COL11A1: variants seen among roughly 807,000 people sequenced by gnomAD.
The protein encoded by COL11A1 is collagen alpha-1(XI) chain.
COL11A1 carries 74 observed loss-of-function variants against 265.2 expected under a neutral mutation model. That is an observed-to-expected ratio of 0.28 (90% CI 0.23 to 0.34). The LOEUF (loss-of-function observed/expected upper bound fraction) is 0.34. Among genes scored for constraint, COL11A1 ranks in the 10% least tolerant of loss-of-function variants. The pLI is 1.00. For missense variants in COL11A1, 2,165 were observed against 2,263.6 expected, an observed-to-expected ratio of 0.96 and a Z score of 0.88; for synonymous variants, 816 against 727.6, an observed-to-expected ratio of 1.12 and a Z score of -1.96.
At chr1:103,058,555 C>T (rs1051005105) in intron 4 of COL11A1, among the ~76,000 whole-genome samples, 3 of 152,186 alleles carry the variant, frequency 2.0e-5, no homozygotes, top group Admixed American at 6.6e-5. Context: ...TCATTTCTAG[C>T]TTTTGATCTC....
chr1:102,971,992 C>T (rs529708425), intron 36 of COL11A1, among the ~76,000 whole-genome samples: 3 of 152,192 alleles, frequency 2.0e-5, no homozygotes, highest in African/African-American at 7.2e-5. Context: ...TATACTAATG[C>T]TAAGACTTAG....
In COL11A1 at chr1:102,886,955, A is replaced by G. The variant is rs1362430090; in HGVS notation, c.4710T>C (p.Leu1570=). The G allele has an allele frequency of 8.1e-6, 13 of 1,613,816 alleles. No individual in the cohort carries two copies. The highest frequency in any genetic ancestry group is 2.7e-5 in the African/African-American group (2 of 74,908). ...GMQADADDNI[L]DYSDGMEEIF... is the part of the protein sequence containing the mutation. The stretch of plus-strand genomic sequence containing the variant: ...TTTCTTCCATTCCATCCGAGTAATC[A>G]AGAATATTATCATCTGCATCTGCTT... Residue 1570 remains leucine, a synonymous_variant, in exon 63 of 67, where the codon CTT becomes CTC. Coordinates refer to ENST00000370096, the MANE Select transcript of COL11A1 (RefSeq NM_001854.4).
At chr1:103,103,984 C>A (rs564310426) in intron 1 of COL11A1, among the ~76,000 whole-genome samples, 20 of 152,102 alleles carry the variant, frequency 1.3e-4, no homozygotes, top group African/African-American at 4.8e-4. Flanking sequence ...CTCAGAAAAA[C>A]CTTGAATATT....
At chr1:102,951,514 G>A (rs1426052749) in intron 41 of COL11A1, among the ~76,000 whole-genome samples, 2 of 152,096 alleles carry the variant, frequency 1.3e-5, no homozygotes, top group East Asian at 1.9e-4. Flanking sequence ...TGGCTAACAC[G>A]GTGAAACCCT....
intron 49 of COL11A1, among the ~76,000 whole-genome samples, chr1:102,919,219 G>A (rs1350384729): frequency 2.6e-5 from 4 of 151,782 alleles, no homozygotes; most frequent in Non-Finnish European, 5.9e-5. Context: ...TATTAAAAAA[G>A]GCAGTCAATC....
chr1:102,936,676 A>G (rs1470270608), intron 44 of COL11A1, among the ~76,000 whole-genome samples: 2 of 152,198 alleles, frequency 1.3e-5, no homozygotes, highest in Admixed American at 6.5e-5. Context: ...CAGGAAATCA[A>G]TAATTTCCAA....
At chr1:102,891,012 T>A (rs1327133443) in intron 57 of COL11A1, among the ~76,000 whole-genome samples, 2 of 152,074 alleles carry the variant, frequency 1.3e-5, no homozygotes, top group Non-Finnish European at 2.9e-5. Context: ...TATTTGTATA[T>A]GTTAGAATGG....
At chr1:103,069,419 T>C (rs112455069) in intron 4 of COL11A1, among the ~76,000 whole-genome samples, 3 of 151,614 alleles carry the variant, frequency 2.0e-5, no homozygotes, top group African/African-American at 7.3e-5. Context: ...TCAAAATGGG[T>C]CATGACCCAT....
At chr1:102,944,775 T>C (rs946618081) in intron 42 of COL11A1, among the ~76,000 whole-genome samples, 5 of 152,180 alleles carry the variant, frequency 3.3e-5, no homozygotes, top group Admixed American at 2.0e-4. Context: ...ATCTAATTAG[T>C]ATATTCTCAA....
At chr1:102,916,521 G>T (rs1274072266) in intron 49 of COL11A1, among the ~76,000 whole-genome samples, 1 of 151,964 alleles carries the variant, frequency 6.6e-6, no homozygotes, top group Non-Finnish European at 1.5e-5. Context: ...AATTGAAAAA[G>T]AAGTGAGGCC....
chr1:102,987,878 G>C lies in COL11A1; in HGVS notation c.2395-138C>G, dbSNP rs570227500. ...TTTTACCTTCAAACTGCCCTTGATC[G>C]TTCCTGGGCATGGAGCAAGCTAACA... On this transcript the variant is annotated intron_variant, in intron 29 of 66. Coordinates refer to ENST00000370096, the MANE Select transcript of COL11A1 (RefSeq NM_001854.4). 4.7e-5 allele frequency: 33 copies of C among 703,164 alleles called. No homozygotes were observed. In the African/African-American group the frequency reaches 5.1e-4, roughly 11 times the overall value. 43.6% of individuals were successfully genotyped at this position (703,164 alleles called of 1,614,324 possible). A position where few individuals can be genotyped will look rare whatever the true frequency, so the allele number is the denominator to read the frequency against.
intron 4 of COL11A1, among the ~76,000 whole-genome samples, chr1:103,065,567 A>T (rs1671065323): frequency 2.2e-5 from 1 of 46,490 alleles, no homozygotes; most frequent in South Asian, 1.5e-3. Flanking sequence ...CAAACAAACA[A>T]ACAAACAAAA....
Position 102,915,619 on chromosome 1 carries a change from C to A in COL11A1, c.3816+12G>T, listed in dbSNP as rs778850721. The A allele has an allele frequency of 2.5e-6, 4 of 1,610,544 alleles. No homozygotes were observed. The highest frequency in any genetic ancestry group is 2.2e-5 in the East Asian group (1 of 44,844). ...CAATAATACACTATGTTAACAATAA[C>A]ACAGTACTTACGCCTACACCTGCTT... On this transcript the variant is annotated intron_variant, in intron 50 of 66. Coordinates refer to ENST00000370096, the MANE Select transcript of COL11A1 (RefSeq NM_001854.4).
intron 4 of COL11A1, among the ~76,000 whole-genome samples, chr1:103,062,880 A>G (rs575624705): frequency 6.6e-6 from 1 of 152,162 alleles, no homozygotes; most frequent in South Asian, 2.1e-4. Flanking sequence ...GAAATAATAA[A>G]TGATTGTTAC....
At chr1:102,878,875 A>T (rs1171033857) in intron 66 of COL11A1, among the ~76,000 whole-genome samples, 1 of 152,168 alleles carries the variant, frequency 6.6e-6, no homozygotes, top group African/African-American at 2.4e-5. Flanking sequence ...TCTCTTACAG[A>T]AAAAGTTAAA....
chr1:102,930,755 T>A (rs1375956129), intron 46 of COL11A1, among the ~76,000 whole-genome samples: 1 of 151,994 alleles, frequency 6.6e-6, no homozygotes, highest in Non-Finnish European at 1.5e-5. Flanking sequence ...TATTGATTAT[T>A]GCCACAATTT....
chr1:103,041,662 C>G (rs116717500), intron 4 of COL11A1, among the ~76,000 whole-genome samples: 6,245 of 151,758 alleles, frequency 0.041, 217 homozygotes, highest in African/African-American at 0.092. Flanking sequence ...TTAAAGTATG[C>G]ATATATATAA....
chr1:103,086,292 C>A (rs1473098458), intron 1 of COL11A1, among the ~76,000 whole-genome samples: 1 of 147,222 alleles, frequency 6.8e-6, no homozygotes, highest in South Asian at 2.4e-4. Flanking sequence ...ATGAACACAT[C>A]TATGAAGGCT....
intron 49 of COL11A1, among the ~76,000 whole-genome samples, 172 bp from the exon 50 acceptor site, chr1:102,915,856 TTTTA>T (rs1295914036): frequency 4.6e-5 from 7 of 152,340 alleles, no homozygotes; most frequent in African/African-American, 1.4e-4. Flanking sequence ...ACTCCAGTGC[TTTTA>T]TTTCTCAGGT....
Sources: gnomAD v4.1 joint callset for allele counts (sites outside exome capture counted in the v4.1 genomes callset) on GRCh38, gnomAD v4.1.1 for gene constraint, MANE v1.5 for transcripts, NCBI Gene and HGNC (gene_info 2026-07-23, HGNC 2026-07-21) for gene names.